The following VWA8 variants were observed in gnomAD, a reference collection of about 807,000 sequenced individuals.
VWA8 encodes von Willebrand factor A domain containing 8.
VWA8 carries 221 observed loss-of-function variants against 241.5 expected under a neutral mutation model. The ratio of observed to expected loss-of-function variants is 0.91; its 90% CI spans 0.82 to 1.02. The LOEUF is 1.02. VWA8 is among the 50% of genes least tolerant of loss of function. VWA8 has a pLI of 0.00. For synonymous variants in VWA8, 852 were observed against 827.1 expected (o/e 1.03, Z -0.52); for missense variants, 2,322 against 2,328.7 (o/e 1.00, Z 0.06).
At chr13:41,587,050 G>A (rs2044423214) in intron 42 of VWA8, among the ~76,000 whole-genome samples, 1 of 152,148 alleles carries the variant, frequency 6.6e-6, no homozygotes, top group East Asian at 1.9e-4. Context: ...ATGGAAACCT[G>A]CTTTTCTCCT....
chr13:41,694,809 A>T (rs928566124), intron 29 of VWA8, among the ~76,000 whole-genome samples: 1 of 152,176 alleles, frequency 6.6e-6, no homozygotes, highest in Admixed American at 6.6e-5. Context: ...CAGAAAAAGA[A>T]GTTAGTATCG....
chr13:41,865,259 A>T (rs567552929), intron 12 of VWA8: 29 of 354,230 alleles, frequency 8.2e-5, no homozygotes, highest in South Asian at 1.1e-4. Flanking sequence ...TGTGAAATTT[A>T]AAAATTAGGG....
chr13:41,802,444 C>T (rs903331589), intron 17 of VWA8, among the ~76,000 whole-genome samples: 2 of 152,182 alleles, frequency 1.3e-5, no homozygotes, highest in Admixed American at 1.3e-4. Context: ...AATTCCTGGG[C>T]AAGTCCTGGT....
At chr13:41,885,551 A>AC (rs1874480667) in intron 8 of VWA8, among the ~76,000 whole-genome samples, 1 of 152,222 alleles carries the variant, frequency 6.6e-6, no homozygotes, top group Admixed American at 6.5e-5. Context: ...ACCATGACAC[A>AC]GAGACTGATG....
intron 17 of VWA8, among the ~76,000 whole-genome samples, chr13:41,792,275 T>G (rs1869495646): frequency 6.6e-6 from 1 of 152,048 alleles, no homozygotes; most frequent in Non-Finnish European, 1.5e-5. Context: ...CTTTCCTAGT[T>G]TGTGGGTTAT....
At chr13:41,591,508 T>C (rs1416830314) in intron 40 of VWA8, among the ~76,000 whole-genome samples, 1 of 152,150 alleles carries the variant, frequency 6.6e-6, no homozygotes, top group Admixed American at 6.5e-5. Context: ...AAGTAGTAGT[T>C]AAGATTATGT....
chr13:41,855,547 G>C (rs1872715158), intron 12 of VWA8, among the ~76,000 whole-genome samples: 1 of 151,694 alleles, frequency 6.6e-6, no homozygotes, highest in Non-Finnish European at 1.5e-5. Flanking sequence ...ACTCTCAAAT[G>C]TATTATATAA....
chr13:41,865,585 T>C, intron 12 of VWA8, 151 bp downstream of exon 12: 1 of 771,086 alleles, frequency 1.3e-6, no homozygotes, highest in South Asian at 2.0e-5. Flanking sequence ...AGAATTATAA[T>C]TGCACTTTAA....
At chr13:41,931,729 A>G (rs1014334302) in intron 2 of VWA8, among the ~76,000 whole-genome samples, 1 of 152,148 alleles carries the variant, frequency 6.6e-6, no homozygotes, top group Non-Finnish European at 1.5e-5. Flanking sequence ...ACATGGGCAA[A>G]GAAGAAATTA....
intron 43 of VWA8, among the ~76,000 whole-genome samples, chr13:41,572,831 C>T (rs560212034): frequency 4.2e-4 from 63 of 149,364 alleles, no homozygotes; most frequent in Admixed American, 9.3e-4. Flanking sequence ...AGAAACAGGC[C>T]GGGCGCGGTG....
Position 41,699,169 on chromosome 13 carries a change from T to A in VWA8, c.3466A>T (p.Ile1156Phe), listed in dbSNP as rs781225564. 8.7e-6 allele frequency: 14 copies of A among 1,614,004 alleles called. 1 individual carries two copies. In the South Asian group the frequency reaches 1.4e-4, roughly 16 times the overall value. ...ACGCCATTGGCTGTTCTTGGGAAGA[T>A]ATCAAAAAAGTCCACAAAGAAGCCA... ...KSGFFVDFFD[I>F]FPRTANGVWH... The change falls in exon 29 of 45, where the codon ATC (isoleucine) becomes TTC (phenylalanine). Residue 1156 changes from isoleucine to phenylalanine, a missense_variant. Transcript: ENST00000379310.
intron 2 of VWA8, chr13:41,926,392 A>C (rs1010401634): frequency 1.3e-5 from 7 of 548,476 alleles, no homozygotes; most frequent in Non-Finnish European, 2.1e-5. Context: ...CTAAAGATTG[A>C]AACTCCCATG....
At chr13:41,664,320 C>G (rs762627788) in intron 37 of VWA8, among the ~76,000 whole-genome samples, 1 of 151,646 alleles carries the variant, frequency 6.6e-6, no homozygotes, top group Admixed American at 6.6e-5. Flanking sequence ...CTACTTCTCT[C>G]AAAATTAGAA....
chr13:41,895,908 TA>T (rs1335697036), intron 4 of VWA8, among the ~76,000 whole-genome samples: 1 of 150,808 alleles, frequency 6.6e-6, no homozygotes, highest in South Asian at 2.1e-4. Context: ...AATCTTAATG[TA>T]AAAAAAACCA....
intron 2 of VWA8, among the ~76,000 whole-genome samples, chr13:41,921,724 C>T (rs887235276): frequency 1.3e-5 from 2 of 152,186 alleles, no homozygotes; most frequent in Non-Finnish European, 2.9e-5. Flanking sequence ...ATCCAACTTA[C>T]AAGGGATGTG....
rs149367525 is a variant in VWA8, at chr13:41,710,296, G to T, written c.3117-6885C>A. ...GGTGGGGATTGGTGATTTCTATTCA[G>T]CTGGGAGACAGGCTTTCATAAAACA... On this transcript the variant is annotated intron_variant, in intron 26 of 44. Transcript: ENST00000379310. Among the ~76,000 whole-genome samples the T allele has an allele frequency of 2.1e-3, 327 of 152,266 alleles. 1 individual carries two copies. Among genetic ancestry groups the T allele is most frequent in the Non-Finnish European group, 3.8e-3 (258 of 68,032 alleles).
intron 4 of VWA8, among the ~76,000 whole-genome samples, chr13:41,901,652 G>A (rs560113917): frequency 6.6e-6 from 1 of 151,942 alleles, no homozygotes; most frequent in South Asian, 2.1e-4. Context: ...CGGATCACCT[G>A]AGGTCAGTTC....
At chr13:41,740,922 A>G in intron 21 of VWA8, among the ~76,000 whole-genome samples, 1 of 152,202 alleles carries the variant, frequency 6.6e-6, no homozygotes, top group East Asian at 1.9e-4. Context: ...AAAAACAGGC[A>G]TGTTTACAGA....
At chr13:41,698,831 T>C (rs2045231138) in intron 29 of VWA8, among the ~76,000 whole-genome samples, 1 of 152,188 alleles carries the variant, frequency 6.6e-6, no homozygotes, top group Non-Finnish European at 1.5e-5. Context: ...ATGTCAATAG[T>C]GTCGAGGTTG....
Sources: allele counts gnomAD v4.1 joint callset (sites outside exome capture counted in the v4.1 genomes callset), GRCh38; gene constraint gnomAD v4.1.1; transcripts MANE v1.5; gene names NCBI Gene and HGNC (gene_info 2026-07-23, HGNC 2026-07-21).